The following PRPF6 variants were observed in gnomAD, a reference collection of about 807,000 sequenced individuals.
The protein encoded by PRPF6 is pre-mRNA processing factor 6, also known as pre-mRNA-processing factor 6.
A neutral mutation model predicts 118.3 loss-of-function variants in PRPF6; 42 were observed. That is an observed-to-expected ratio of 0.35 (90% confidence interval 0.28 to 0.46). PRPF6 has a LOEUF of 0.46. Ranked by LOEUF, PRPF6 falls within the 20% of genes least tolerant of loss-of-function variation. PRPF6 has a pLI of 1.00. For missense variants in PRPF6, 662 were observed against 1,255.7 expected, an observed-to-expected ratio of 0.53 and a Z score of 7.15; for synonymous variants, 481 against 485.1, an observed-to-expected ratio of 0.99 and a Z score of 0.11.
chr20:64,007,919 G>A (rs2123044716), intron 9 of PRPF6, among the ~76,000 whole-genome samples: 1 of 152,230 alleles, frequency 6.6e-6, no homozygotes, highest in East Asian at 1.9e-4. Flanking sequence ...TGGGATTACA[G>A]GTGCATGCCA....
chr20:63,995,513 A>C (rs765865519), intron 6 of PRPF6, 31 bp downstream of exon 6: 75 of 1,613,244 alleles, frequency 4.6e-5, no homozygotes, highest in Non-Finnish European at 5.9e-5. Context: ...TTTCCTGTGG[A>C]CAGGTTTAGA....
chr20:63,981,146 G>C lies in PRPF6; in HGVS notation c.-100G>C. On this transcript the variant is annotated 5_prime_UTR_variant, in exon 1 of 21. Coordinates refer to ENST00000266079, the MANE Select transcript of PRPF6 (RefSeq NM_012469.4). ...GGTGACGCGACGACGGCGACACTTT[G>C]CTACGGAGTGCATCGGACGTCGAAG... is the stretch of plus-strand genomic sequence containing the variant. 7.7e-7 allele frequency: 1 copy of C among 1,291,396 alleles called. No individual in the cohort carries two copies. Among genetic ancestry groups the C allele is most frequent in the Non-Finnish European group, 1.1e-6 (1 of 911,164 alleles). The allele number at this position is 1,291,396 out of a possible 1,614,324, so 80.0% of individuals were successfully genotyped here.
At chr20:64,025,578 G>A (rs1378220186) in intron 14 of PRPF6, among the ~76,000 whole-genome samples, 1 of 152,234 alleles carries the variant, frequency 6.6e-6, no homozygotes. Flanking sequence ...GCGAGGTTGC[G>A]TGTGATGAGT....
chr20:63,988,902 A>G (rs928917038), intron 3 of PRPF6, among the ~76,000 whole-genome samples: 1 of 152,132 alleles, frequency 6.6e-6, no homozygotes, highest in South Asian at 2.1e-4. Context: ...AAATAATTCT[A>G]AAATGTACAT....
chr20:63,987,772 G>C (rs746118546), intron 3 of PRPF6, among the ~76,000 whole-genome samples: 16 of 152,362 alleles, frequency 1.1e-4, no homozygotes, highest in Non-Finnish European at 1.9e-4. Context: ...ATGCCCCCAG[G>C]TGTGGTGGCT....
Position 64,029,948 on chromosome 20 carries a change from C to T in PRPF6, c.2546+457C>T, listed in dbSNP as rs563779589. On this transcript the variant is annotated intron_variant, in intron 19 of 20. Transcript: ENST00000266079. The surrounding 1 kb of genome is among the most constrained non-coding windows in gnomAD (Gnocchi z 4.8). ...TGATTCACACTGGTGTGCTGGCCGC[C>T]GGGTCAGAGACTCACTGGGGACGCG... Among the ~76,000 whole-genome samples, 6 of 149,912 alleles carry T rather than the reference C, an allele frequency of 4.0e-5. No individual in the cohort carries two copies. In the South Asian group the frequency reaches 1.1e-3, roughly 26 times the overall value.
rs111490162 is a variant in PRPF6, at chr20:64,026,399, G to A, written c.2028+341G>A. On this transcript the variant is annotated intron_variant, in intron 15 of 20. Transcript: ENST00000266079. This position sits in a 1 kb window ranked among gnomAD's most constrained non-coding sequence, Gnocchi z 4.4. ...TGCGTGCCTGTAATCCCAGCTGCTC[G>A]GGAGGCTGAGGCAGGAGAATCGCTT... 0.13 allele frequency among the ~76,000 whole-genome samples: 19,294 copies of A among 152,128 alleles called. 1,363 individuals are homozygous for A. The highest frequency in any genetic ancestry group is 0.23 in the South Asian group (1,133 of 4,828).
rs113045206 is a variant in PRPF6 at position 64,011,672 on chromosome 20, G to A, written c.1524+169G>A. On this transcript the variant is annotated intron_variant, in intron 11 of 20. Transcript: ENST00000266079. The surrounding 1 kb of genome is among the most constrained non-coding windows in gnomAD (Gnocchi z 6.7). ...GAGGGACCTGGGCATGCCCACTGTC[G>A]CTCTTGATGGATTCAGGCCTGGAGT... Among the ~76,000 whole-genome samples, 4 of 152,356 alleles carry A rather than the reference G, an allele frequency of 2.6e-5. No individual in the cohort carries two copies. Among genetic ancestry groups the A allele is most frequent in the African/African-American group, 9.6e-5 (4 of 41,582 alleles).
intron 3 of PRPF6, among the ~76,000 whole-genome samples, chr20:63,988,258 T>C (rs1157359366): frequency 1.3e-5 from 2 of 151,196 alleles, no homozygotes; most frequent in Non-Finnish European, 2.9e-5. Context: ...AGGCAAATGT[T>C]GTAGTGAGCT....
At chr20:64,005,325 T>C (rs1416613451) in intron 9 of PRPF6, among the ~76,000 whole-genome samples, 3 of 152,244 alleles carry the variant, frequency 2.0e-5, no homozygotes, top group Admixed American at 2.0e-4. Flanking sequence ...GCATGAATAT[T>C]CTGTTCTTTA....
rs192303855 is a variant in PRPF6 at position 63,998,430 on chromosome 20, G to A, written c.772-615G>A. On this transcript the variant is annotated intron_variant, in intron 6 of 20. Transcript: ENST00000266079. ...TTTTTTTGTAGAGACAGAATCTTGG[G>A]AGGCTGAGGCAGGAGGATTCCTTGA... Among the ~76,000 whole-genome samples, 11 of 152,140 alleles carry A rather than the reference G, an allele frequency of 7.2e-5. No individual in the cohort carries two copies. In the East Asian group the frequency reaches 1.7e-3, roughly 24 times the overall value.
chr20:63,986,926 T>TGGGAGGCTGAGGC (rs1371341754), intron 3 of PRPF6, among the ~76,000 whole-genome samples: 1 of 150,778 alleles, frequency 6.6e-6, no homozygotes, highest in Non-Finnish European at 1.5e-5. Context: ...CCCAGCACTT[T>TGGGAGGCTGAGGC]GGGAGGCTGA....
At chr20:64,032,730 T>G in intron 20 of PRPF6, 111 bp from the exon 21 acceptor site, 4 of 1,379,156 alleles carry the variant, frequency 2.9e-6, no homozygotes, top group Admixed American at 2.0e-5. Context: ...GGCCCGCCAG[T>G]TGGGGTTGGT....
rs1484574293 is a variant in PRPF6, at chr20:64,028,290, A to G, written c.2340-188A>G. Reference sequence around the variant, plus strand: ...GAGGTCTTGCCTTGGGGCGGTTGCCAGTGGGGCTGGCAGGGATGTGGGCCC... The same window carrying G: ...GAGGTCTTGCCTTGGGGCGGTTGCCGGTGGGGCTGGCAGGGATGTGGGCCC... On this transcript the variant is annotated intron_variant, in intron 17 of 20. Coordinates refer to ENST00000266079, the MANE Select transcript of PRPF6 (RefSeq NM_012469.4). The surrounding 1 kb of genome is among the most constrained non-coding windows in gnomAD (Gnocchi z 6.5). 5.3e-5 allele frequency among the ~76,000 whole-genome samples: 8 copies of G among 152,208 alleles called. 1 individual carries two copies. Among genetic ancestry groups the G allele is most frequent in the Admixed American group, 2.6e-4 (4 of 15,288 alleles).
Position 64,029,636 on chromosome 20 carries a change from G to A in PRPF6, c.2546+145G>A, listed in dbSNP as rs2059306208. ...ATCCTCGGCTGCCGTCGCTCCTGCT[G>A]TGGTCTGGGGCAGGCGCCTCTCCTG... On this transcript the variant is annotated intron_variant, in intron 19 of 20. Coordinates refer to ENST00000266079, the MANE Select transcript of PRPF6 (RefSeq NM_012469.4). This position sits in a 1 kb window ranked among gnomAD's most constrained non-coding sequence, Gnocchi z 4.8. 10 of 733,748 alleles carry A rather than the reference G, an allele frequency of 1.4e-5. No homozygotes were observed. Among genetic ancestry groups the A allele is most frequent in the Non-Finnish European group, 2.3e-5 (10 of 429,632 alleles). 45.5% of individuals were successfully genotyped at this position (733,748 alleles called of 1,614,324 possible).
chr20:63,981,458 G>C, intron 1 of PRPF6, 142 bp downstream of exon 1: 1 of 794,296 alleles, frequency 1.3e-6, no homozygotes, highest in Non-Finnish European at 2.0e-6. Flanking sequence ...AGGAAGCAAC[G>C]GGCTTTGGGG....
intron 12 of PRPF6, among the ~76,000 whole-genome samples, chr20:64,018,348 G>A (rs760757648): frequency 3.3e-5 from 5 of 152,032 alleles, no homozygotes; most frequent in Non-Finnish European, 7.4e-5. Context: ...TGAGGACCAC[G>A]GGCCAGTGAT....
intron 3 of PRPF6, 133 bp from the exon 4 acceptor site, chr20:63,993,274 A>G (rs1351234425): frequency 8.3e-6 from 4 of 480,138 alleles, no homozygotes; most frequent in Middle Eastern, 6.4e-4. Flanking sequence ...ATATGTATAT[A>G]TATATATATA....
intron 4 of PRPF6, among the ~76,000 whole-genome samples, chr20:63,994,445 A>T (rs1206321592): frequency 1.3e-5 from 2 of 152,196 alleles, no homozygotes; most frequent in Admixed American, 6.5e-5. Context: ...GGCATGAGCC[A>T]CCGTGCCCGG....
Sources: gnomAD v4.1 joint callset for allele counts (sites outside exome capture counted in the v4.1 genomes callset) on GRCh38, gnomAD v4.1.1 for gene constraint, Gnocchi (gnomAD v3.1) non-coding constraint, MANE v1.5 for transcripts, NCBI Gene and HGNC (gene_info 2026-07-23, HGNC 2026-07-21) for gene names.